The following NECAB1 variants were observed in gnomAD, a reference collection of about 807,000 sequenced individuals.
NECAB1 encodes the protein N-terminal EF-hand calcium binding protein 1.
NECAB1 carries 29 observed loss-of-function variants against 57.5 expected under a neutral mutation model. The observed-to-expected ratio is 0.50, with a 90% CI of 0.38 to 0.69. The LOEUF (loss-of-function observed/expected upper bound fraction) is 0.69. Among genes scored for constraint, NECAB1 ranks in the 30% least tolerant of loss-of-function variants. NECAB1 has a pLI of 0.00. For missense variants in NECAB1, 372 were observed against 413.8 expected (o/e 0.90, Z 0.88); for synonymous variants, 142 against 147.7 (o/e 0.96, Z 0.28).
chr8:90,933,637 CAGG>C (rs1810462191), intron 8 of NECAB1, among the ~76,000 whole-genome samples: 1 of 152,034 alleles, frequency 6.6e-6, no homozygotes, highest in African/African-American at 2.4e-5. Flanking sequence ...GTATACTGTT[CAGG>C]TGACGGGTGC....
chr8:90,851,968 G>T (rs1047492372), intron 3 of NECAB1, among the ~76,000 whole-genome samples: 1 of 151,812 alleles, frequency 6.6e-6, no homozygotes, highest in African/African-American at 2.4e-5. Flanking sequence ...GTTTTTAAGT[G>T]TTTCTTTACT....
intron 2 of NECAB1, among the ~76,000 whole-genome samples, chr8:90,822,810 A>G (rs1407307292): frequency 6.6e-6 from 1 of 151,640 alleles, no homozygotes; most frequent in East Asian, 1.9e-4. Context: ...TTCACTACAT[A>G]TCATAGTGTT....
intron 3 of NECAB1, among the ~76,000 whole-genome samples, chr8:90,860,718 G>C (rs967957332): frequency 3.3e-5 from 5 of 152,128 alleles, no homozygotes; most frequent in African/African-American, 1.2e-4. Context: ...GTTCAGAAGA[G>C]GGAAAGCTGC....
rs567960423 is a variant in NECAB1 at position 90,810,233 on chromosome 8, T to TA, written c.124+8526dup. Among the ~76,000 whole-genome samples the TA allele has an allele frequency of 8.1e-4, 123 of 152,154 alleles. 4 individuals are homozygous for TA. In the South Asian group the frequency reaches 0.023, roughly 28 times the overall value. ...GAATCCTAAATGATTCAGTGTAATT[T>TA]AAAAAAAAGACAAAAGTATTTGAAA... is the stretch of plus-strand genomic sequence containing the variant. On this transcript the variant is annotated intron_variant, in intron 2 of 12. Coordinates refer to ENST00000417640, the MANE Select transcript of NECAB1 (RefSeq NM_022351.5).
chr8:90,862,704 C>T (rs1808423925), intron 3 of NECAB1, among the ~76,000 whole-genome samples: 1 of 149,146 alleles, frequency 6.7e-6, no homozygotes, highest in Admixed American at 6.7e-5. Context: ...CACTAACAAG[C>T]CATATTTTGA....
At chr8:90,892,156 A>G (rs1048439553) in intron 5 of NECAB1, among the ~76,000 whole-genome samples, 2 of 152,216 alleles carry the variant, frequency 1.3e-5, no homozygotes, top group African/African-American at 4.8e-5. Context: ...GCATCAGAAG[A>G]CATAGCTTAT....
intron 10 of NECAB1, among the ~76,000 whole-genome samples, chr8:90,946,851 A>G (rs779588394): frequency 5.9e-5 from 9 of 152,206 alleles, no homozygotes; most frequent in Non-Finnish European, 1.2e-4. Context: ...TGTCCAGCAG[A>G]GAGGAGTAAG....
At chr8:90,857,841 A>T (rs767545624) in intron 3 of NECAB1, among the ~76,000 whole-genome samples, 9 of 152,140 alleles carry the variant, frequency 5.9e-5, no homozygotes, top group Non-Finnish European at 1.2e-4. Flanking sequence ...TACATTAGTT[A>T]TTTGCATTTG....
chr8:90,951,346 AT>A (rs1810921807), intron 12 of NECAB1, 142 bp downstream of exon 12: 3 of 536,052 alleles, frequency 5.6e-6, no homozygotes, highest in Non-Finnish European at 9.5e-6. Context: ...ATGATTTGAG[AT>A]TGGGGGGAAG....
At chr8:90,821,158 T>C (rs1156407870) in intron 2 of NECAB1, among the ~76,000 whole-genome samples, 1 of 151,804 alleles carries the variant, frequency 6.6e-6, no homozygotes, top group Non-Finnish European at 1.5e-5. Flanking sequence ...CCCCTGTGAT[T>C]CTACTACTGT....
chr8:90,851,389 C>T (rs1175909339), intron 3 of NECAB1, among the ~76,000 whole-genome samples: 1 of 152,170 alleles, frequency 6.6e-6, no homozygotes, highest in Non-Finnish European at 1.5e-5. Flanking sequence ...CAGCAATTGG[C>T]ATCTGCAGTG....
intron 3 of NECAB1, among the ~76,000 whole-genome samples, chr8:90,843,335 T>C (rs1475036381): frequency 1.3e-5 from 2 of 152,178 alleles, no homozygotes; most frequent in Non-Finnish European, 2.9e-5. Flanking sequence ...GAGTGTATAA[T>C]TGCTGGTCTC....
intron 5 of NECAB1, among the ~76,000 whole-genome samples, chr8:90,911,443 TCTAATTTA>T (rs1809828329): frequency 6.6e-6 from 1 of 152,148 alleles, no homozygotes; most frequent in Non-Finnish European, 1.5e-5. Context: ...ATTTACTATA[TCTAATTTA>T]CTAATTTACT....
intron 5 of NECAB1, among the ~76,000 whole-genome samples, chr8:90,914,452 T>C (rs555468643): frequency 1.3e-5 from 2 of 152,274 alleles, no homozygotes; most frequent in African/African-American, 2.4e-5. Context: ...AAGGTTTTTT[T>C]CCTCCTTATC....
intron 8 of NECAB1, among the ~76,000 whole-genome samples, chr8:90,932,001 C>T (rs1810421256): frequency 6.6e-6 from 1 of 152,144 alleles, no homozygotes; most frequent in South Asian, 2.1e-4. Context: ...ACAATAAAAG[C>T]TCTTCATTCT....
intron 6 of NECAB1, among the ~76,000 whole-genome samples, chr8:90,923,927 C>A (rs943876183): frequency 4.6e-5 from 7 of 152,050 alleles, no homozygotes; most frequent in Non-Finnish European, 8.8e-5. Context: ...AGAAAGAGAA[C>A]AAAGCAGAAA....
chr8:90,863,016 A>G (rs1387257931), intron 3 of NECAB1, among the ~76,000 whole-genome samples: 1 of 152,114 alleles, frequency 6.6e-6, no homozygotes, highest in African/African-American at 2.4e-5. Flanking sequence ...TAACATCAGT[A>G]TATGTAAACC....
chr8:90,868,969 A>G (rs569231877), intron 3 of NECAB1, among the ~76,000 whole-genome samples: 6 of 152,354 alleles, frequency 3.9e-5, no homozygotes, highest in East Asian at 1.9e-4. Context: ...GACAAGGCCT[A>G]GGGCCCTGCT....
chr8:90,881,501 C>T (rs1011950200), intron 5 of NECAB1, among the ~76,000 whole-genome samples: 1 of 152,122 alleles, frequency 6.6e-6, no homozygotes, highest in African/African-American at 2.4e-5. Context: ...GATCACCAAT[C>T]CCCCAGTGCT....
Sources: gnomAD v4.1 joint callset for allele counts (sites outside exome capture counted in the v4.1 genomes callset) on GRCh38, gnomAD v4.1.1 for gene constraint, MANE v1.5 for transcripts, NCBI Gene and HGNC (gene_info 2026-07-23, HGNC 2026-07-21) for gene names.